CCSER1: variants seen among roughly 807,000 people sequenced by gnomAD.
CCSER1 encodes the protein serine-rich coiled-coil domain-containing protein 1.
Under a neutral mutation model 82.0 loss-of-function variants are expected in CCSER1, and 41 were observed. The observed-to-expected ratio is 0.50, with a 90% CI of 0.39 to 0.65. The LOEUF (loss-of-function observed/expected upper bound fraction) is 0.65. Among genes scored for constraint, CCSER1 ranks in the 30% least tolerant of loss-of-function variants. The pLI, the probability that CCSER1 is intolerant of heterozygous loss-of-function variation, is 0.00. For missense variants in CCSER1, 1,119 were observed against 1,064.2 expected (o/e 1.05, Z -0.72); for synonymous variants, 414 against 383.9 (o/e 1.08, Z -0.92).
intron 10 of CCSER1, among the ~76,000 whole-genome samples, chr4:91,329,674 C>T (rs1746808716): frequency 6.6e-6 from 1 of 152,158 alleles, no homozygotes; most frequent in Non-Finnish European, 1.5e-5. Context: ...GTGTCTAAGT[C>T]ATCTCTCTTG....
At chr4:90,300,815 A>C (rs1243296842) in intron 1 of CCSER1, among the ~76,000 whole-genome samples, 2 of 151,990 alleles carry the variant, frequency 1.3e-5, no homozygotes, top group Non-Finnish European at 2.9e-5. Flanking sequence ...ATGCATTTGG[A>C]ATCACAAAAG....
intron 10 of CCSER1, chr4:91,325,175 G>C: frequency 2.2e-6 from 1 of 456,074 alleles, no homozygotes; most frequent in Non-Finnish European, 4.4e-6. Flanking sequence ...CTGTCTTCTT[G>C]TTTCACCAGC....
chr4:91,239,296 G>A (rs1424670740), intron 10 of CCSER1, among the ~76,000 whole-genome samples: 1 of 64,202 alleles, frequency 1.6e-5, no homozygotes, highest in Non-Finnish European at 3.0e-5. Context: ...TCTCATTTTA[G>A]AATGTGCGAA....
intron 10 of CCSER1, among the ~76,000 whole-genome samples, chr4:91,314,983 C>G (rs1400415237): frequency 2.0e-5 from 3 of 151,794 alleles, no homozygotes; most frequent in Non-Finnish European, 4.4e-5. Flanking sequence ...TGTGTAAAGC[C>G]AGATACTACT....
intron 10 of CCSER1, among the ~76,000 whole-genome samples, chr4:91,522,061 G>C (rs968721291): frequency 7.9e-5 from 12 of 152,246 alleles, no homozygotes; most frequent in African/African-American, 2.9e-4. Context: ...TTTTGTATAA[G>C]GTGAAAGGAA....
intron 10 of CCSER1, among the ~76,000 whole-genome samples, chr4:91,504,545 C>G (rs1182046732): frequency 1.3e-5 from 2 of 152,028 alleles, no homozygotes; most frequent in Admixed American, 1.3e-4. Flanking sequence ...ATAGAAATTT[C>G]ATTATATCAT....
chr4:91,195,917 C>T (rs1013030463), intron 10 of CCSER1, among the ~76,000 whole-genome samples: 7 of 152,060 alleles, frequency 4.6e-5, no homozygotes, highest in African/African-American at 9.7e-5. Flanking sequence ...AGACAAAGCC[C>T]CCGTGTTAGC....
intron 3 of CCSER1, among the ~76,000 whole-genome samples, chr4:90,378,432 T>C (rs1748701997): frequency 6.6e-6 from 1 of 152,174 alleles, no homozygotes; most frequent in Admixed American, 6.6e-5. Flanking sequence ...GAGTCAAAAT[T>C]AGAATTTCAT....
At chr4:90,903,901 A>C (rs1686990027) in intron 8 of CCSER1, among the ~76,000 whole-genome samples, 1 of 151,774 alleles carries the variant, frequency 6.6e-6, no homozygotes, top group Non-Finnish European at 1.5e-5. Flanking sequence ...GTAAACATAG[A>C]CATACATGAA....
At chr4:91,509,412 C>G (rs1759705694) in intron 10 of CCSER1, among the ~76,000 whole-genome samples, 1 of 151,972 alleles carries the variant, frequency 6.6e-6, no homozygotes, top group South Asian at 2.1e-4. Context: ...TTATTACATT[C>G]TAATTTAACT....
intron 4 of CCSER1, among the ~76,000 whole-genome samples, chr4:90,445,105 GT>G (rs559876895): frequency 9.3e-4 from 142 of 151,996 alleles, no homozygotes; most frequent in Non-Finnish European, 1.7e-3. Context: ...AAAGACTTGG[GT>G]TCCTTGCCTT....
intron 9 of CCSER1, among the ~76,000 whole-genome samples, chr4:91,026,267 T>G (rs1740481885): frequency 6.6e-6 from 1 of 152,118 alleles, no homozygotes; most frequent in Non-Finnish European, 1.5e-5. Context: ...CTCTCCTGTT[T>G]CTCTGTAGTT....
At chr4:90,817,845 C>T (rs1327381321) in intron 8 of CCSER1, among the ~76,000 whole-genome samples, 1 of 152,132 alleles carries the variant, frequency 6.6e-6, no homozygotes, top group Admixed American at 6.6e-5. Flanking sequence ...TTTGGTCCTC[C>T]TATTTCTGGT....
chr4:90,649,160 T>C (rs1728259004), intron 6 of CCSER1, among the ~76,000 whole-genome samples: 1 of 152,190 alleles, frequency 6.6e-6, no homozygotes, highest in East Asian at 1.9e-4. Flanking sequence ...AATTAATTTG[T>C]GGGTTAATAT....
intron 4 of CCSER1, among the ~76,000 whole-genome samples, chr4:90,423,492 G>A (rs1757032464): frequency 6.6e-6 from 1 of 151,998 alleles, no homozygotes; most frequent in African/African-American, 2.4e-5. Flanking sequence ...CCAAAGTGCG[G>A]GGAATACAGG....
intron 5 of CCSER1, among the ~76,000 whole-genome samples, chr4:90,585,228 TAAG>T (rs1781865665): frequency 6.6e-6 from 1 of 152,226 alleles, no homozygotes; most frequent in African/African-American, 2.4e-5. Context: ...TGGTAATAGT[TAAG>T]TGCTGGTGAG....
chr4:90,917,175 A>G (rs1194956356), intron 8 of CCSER1, among the ~76,000 whole-genome samples: 2 of 152,164 alleles, frequency 1.3e-5, no homozygotes, highest in Non-Finnish European at 2.9e-5. Flanking sequence ...GTATATACCC[A>G]AAGGATTATA....
chr4:90,237,718 G>A (rs1210604540), intron 1 of CCSER1, among the ~76,000 whole-genome samples: 1 of 152,102 alleles, frequency 6.6e-6, no homozygotes, highest in Admixed American at 6.6e-5. Context: ...CCGTAGGGTG[G>A]ACTTTTTCTT....
intron 5 of CCSER1, among the ~76,000 whole-genome samples, chr4:90,584,198 T>G (rs974501756): frequency 5.3e-5 from 8 of 152,162 alleles, no homozygotes; most frequent in Non-Finnish European, 1.0e-4. Context: ...GATCTCAACA[T>G]AAGGAGATTA....
Sources: gnomAD v4.1 joint callset for allele counts (sites outside exome capture counted in the v4.1 genomes callset) on GRCh38, gnomAD v4.1.1 for gene constraint, MANE v1.5 for transcripts, NCBI Gene and HGNC (gene_info 2026-07-23, HGNC 2026-07-21) for gene names.